The following SEC22C variants were observed in gnomAD, a reference collection of about 807,000 sequenced individuals.
SEC22C encodes vesicle-trafficking protein SEC22c.
A neutral mutation model predicts 34.7 loss-of-function variants in SEC22C; 29 were observed. The ratio of observed to expected loss-of-function variants is 0.84; its 90% CI spans 0.62 to 1.14. SEC22C has a LOEUF of 1.14. SEC22C is among the 50% of genes most tolerant of loss of function. The pLI, the probability that SEC22C is intolerant of heterozygous loss-of-function variation, is 0.00. For missense variants in SEC22C, 337 were observed against 369.0 expected (o/e 0.91, Z 0.71); for synonymous variants, 117 against 132.8 (o/e 0.88, Z 0.82).
chr3:42,557,529 A>G (rs369061016), intron 5 of SEC22C, 49 bp downstream of exon 5: 14 of 775,394 alleles, frequency 1.8e-5, no homozygotes, highest in Middle Eastern at 2.4e-4. Context: ...ACTTTCTTCT[A>G]TCATATGTCC....
intron 2 of SEC22C, among the ~76,000 whole-genome samples, chr3:42,568,166 AT>A (rs1273819400): frequency 2.6e-5 from 4 of 151,852 alleles, no homozygotes; most frequent in Non-Finnish European, 5.9e-5. Context: ...TAAAAATGAA[AT>A]TTTTTTCTTA....
intron 1 of SEC22C, among the ~76,000 whole-genome samples, chr3:42,588,542 A>G (rs1704701202): frequency 6.6e-6 from 1 of 152,246 alleles, no homozygotes; most frequent in South Asian, 2.1e-4. Flanking sequence ...TTGTGTGTAT[A>G]TATACATACC....
At chr3:42,564,695 C>G (rs1249987684) in intron 2 of SEC22C, among the ~76,000 whole-genome samples, 2 of 152,210 alleles carry the variant, frequency 1.3e-5, no homozygotes, top group African/African-American at 4.8e-5. Context: ...AAATTATTTC[C>G]CTCACCTATC....
intron 2 of SEC22C, among the ~76,000 whole-genome samples, chr3:42,566,326 A>G (rs754232886): frequency 1.1e-4 from 17 of 152,106 alleles, no homozygotes; most frequent in Non-Finnish European, 2.2e-4. Context: ...TTTTGTTTTT[A>G]TAATTCTGAG....
Position 42,549,096 on chromosome 3 carries a change from C to A in SEC22C, c.*4152G>T. ...GCTGACTGGTGCACTCTTTCCCTCA[C>A]CTTCTCTCTCAAGGGCACAGCTACA... On this transcript the variant is annotated 3_prime_UTR_variant, in exon 7 of 7. Transcript: ENST00000264454. 1 of 997,968 alleles carries A rather than the reference C, an allele frequency of 1.0e-6. No individual in the cohort carries two copies. Among genetic ancestry groups the A allele is most frequent in the East Asian group, 1.0e-4 (1 of 9,698 alleles). 61.8% of individuals were successfully genotyped at this position (997,968 alleles called of 1,614,324 possible).
At chr3:42,553,524 C>T in intron 6 of SEC22C, 76 bp from the exon 7 acceptor site, 1 of 1,541,642 alleles carries the variant, frequency 6.5e-7, no homozygotes. Flanking sequence ...TCACCTCCCA[C>T]AGCTTCCATG....
At chr3:42,556,338 C>T (rs2125697354) in intron 5 of SEC22C, among the ~76,000 whole-genome samples, 1 of 152,364 alleles carries the variant, frequency 6.6e-6, no homozygotes, top group Middle Eastern at 3.4e-3. Context: ...TTTAGGATTG[C>T]CACCATACAC....
intron 4 of SEC22C, among the ~76,000 whole-genome samples, chr3:42,560,116 C>CTA (rs1321036793): frequency 9.4e-4 from 110 of 116,490 alleles, no homozygotes; most frequent in East Asian, 2.2e-3. Context: ...CTCTCTCTCT[C>CTA]TCTCTATATA....
At chr3:42,567,671 TA>T in intron 2 of SEC22C, among the ~76,000 whole-genome samples, 1 of 152,308 alleles carries the variant, frequency 6.6e-6, no homozygotes, top group South Asian at 2.1e-4. Context: ...CACTGTATTA[TA>T]GTTAGTTATA....
chr3:42,568,810 T>G, intron 2 of SEC22C, 55 bp downstream of exon 2: 3 of 1,485,826 alleles, frequency 2.0e-6, no homozygotes, highest in South Asian at 1.2e-5. Context: ...CTACATGTAG[T>G]TAAAAGTAAT....
chr3:42,598,189 T>A (rs1161698134), intron 1 of SEC22C, among the ~76,000 whole-genome samples: 1 of 152,174 alleles, frequency 6.6e-6, no homozygotes, highest in African/African-American at 2.4e-5. Flanking sequence ...TCCACTGACA[T>A]ATGAATGGAT....
intron 1 of SEC22C, among the ~76,000 whole-genome samples, chr3:42,597,706 G>A (rs541587214): frequency 2.6e-5 from 4 of 152,288 alleles, no homozygotes; most frequent in Non-Finnish European, 1.5e-5. Context: ...CAAGAAATAT[G>A]AGATTTTGTT....
chr3:42,593,431 T>C (rs900836106), intron 1 of SEC22C, among the ~76,000 whole-genome samples: 52 of 151,990 alleles, frequency 3.4e-4, no homozygotes, highest in Admixed American at 3.4e-3. Context: ...AATAAATAAA[T>C]TAAAGTATAT....
At chr3:42,578,865 G>A (rs1704133692) in intron 1 of SEC22C, among the ~76,000 whole-genome samples, 1 of 152,150 alleles carries the variant, frequency 6.6e-6, no homozygotes, top group Admixed American at 6.5e-5. Context: ...CATGAACACT[G>A]AAGGGCACAC....
upstream of SEC22C, among the ~76,000 whole-genome samples, chr3:42,584,427 G>C (rs1439248514): frequency 6.6e-6 from 1 of 152,122 alleles, no homozygotes; most frequent in East Asian, 1.9e-4. Flanking sequence ...GCTAATTTTT[G>C]TATTTTTAGT....
intron 1 of SEC22C, chr3:42,573,387 T>C (rs1384236339): frequency 2.0e-5 from 3 of 152,124 alleles, no homozygotes; most frequent in Admixed American, 2.0e-4. Context: ...TAGCCGGGCA[T>C]GGTGGCACAC....
intron 1 of SEC22C, chr3:42,600,762 G>A: frequency 2.8e-6 from 1 of 360,562 alleles, no homozygotes; most frequent in Non-Finnish European, 5.0e-6. Flanking sequence ...GACCCGCTCA[G>A]GCTGGAGGCC....
chr3:42,561,410 G>T, intron 3 of SEC22C, 114 bp from the exon 4 acceptor site: 2 of 1,057,406 alleles, frequency 1.9e-6, no homozygotes, highest in Non-Finnish European at 2.8e-6. Flanking sequence ...TCTCACTGTC[G>T]CCCACTCTGG....
At chr3:42,588,003 G>T (rs1233842646) in intron 1 of SEC22C, among the ~76,000 whole-genome samples, 1 of 151,872 alleles carries the variant, frequency 6.6e-6, no homozygotes, top group Non-Finnish European at 1.5e-5. Flanking sequence ...AACCCCGGAG[G>T]TGGAGGTTGC....
Sources: gnomAD v4.1 joint callset for allele counts (sites outside exome capture counted in the v4.1 genomes callset) on GRCh38, gnomAD v4.1.1 for gene constraint, MANE v1.5 for transcripts, NCBI Gene and HGNC (gene_info 2026-07-23, HGNC 2026-07-21) for gene names.